SLC12A6: variants seen among roughly 807,000 people sequenced by gnomAD.
SLC12A6 encodes the protein solute carrier family 12 member 6.
Under a neutral mutation model 135.3 loss-of-function variants are expected in SLC12A6, and 66 were observed. The observed-to-expected ratio is 0.49, with a 90% CI of 0.40 to 0.60. The LOEUF (loss-of-function observed/expected upper bound fraction) is 0.60. SLC12A6 is among the 20% of genes least tolerant of loss of function. The pLI is 0.00. For missense variants in SLC12A6, 1,058 were observed against 1,452.3 expected (o/e 0.73, Z 4.41); for synonymous variants, 513 against 508.8 (o/e 1.01, Z -0.11).
At chr15:34,294,955 G>A (rs1331073034) in intron 2 of SLC12A6, among the ~76,000 whole-genome samples, 1 of 152,076 alleles carries the variant, frequency 6.6e-6, no homozygotes, top group Non-Finnish European at 1.5e-5. Flanking sequence ...GTAATATTTG[G>A]TTAAATTATG....
intron 2 of SLC12A6, among the ~76,000 whole-genome samples, chr15:34,283,835 A>G (rs926218867): frequency 6.6e-6 from 1 of 151,892 alleles, no homozygotes; most frequent in Non-Finnish European, 1.5e-5. Flanking sequence ...TACAGCCTCA[A>G]CCTCCCAGGC....
chr15:34,249,660 A>G (rs1892252890), intron 13 of SLC12A6, among the ~76,000 whole-genome samples: 1 of 152,232 alleles, frequency 6.6e-6, no homozygotes, highest in Non-Finnish European at 1.5e-5. Flanking sequence ...GCCAAACACA[A>G]TTAGATACTT....
chr15:34,288,908 T>C (rs973683857), intron 2 of SLC12A6, among the ~76,000 whole-genome samples: 3 of 152,210 alleles, frequency 2.0e-5, no homozygotes, highest in African/African-American at 7.2e-5. Context: ...GTTTTCTAAA[T>C]ACACAATCAT....
intron 13 of SLC12A6, among the ~76,000 whole-genome samples, chr15:34,247,709 T>C (rs1892094130): frequency 1.0e-5 from 1 of 98,738 alleles, no homozygotes; most frequent in Non-Finnish European, 2.3e-5. Flanking sequence ...CTATCCTGAC[T>C]TTTTTTTTTT....
At chr15:34,259,342 A>G (rs2140761369) in intron 4 of SLC12A6, among the ~76,000 whole-genome samples, 3 of 147,618 alleles carry the variant, frequency 2.0e-5, no homozygotes, top group Middle Eastern at 6.9e-3. Context: ...CTCCATCTCA[A>G]AAAAAAAAAA....
intron 2 of SLC12A6, among the ~76,000 whole-genome samples, chr15:34,300,887 A>T (rs1896207507): frequency 6.6e-6 from 1 of 152,062 alleles, no homozygotes; most frequent in Admixed American, 6.6e-5. Context: ...TTTTGAGACA[A>T]GAATTTTGTT....
chr15:34,299,411 A>T (rs1200612454), intron 2 of SLC12A6, among the ~76,000 whole-genome samples: 1 of 152,234 alleles, frequency 6.6e-6, no homozygotes, highest in African/African-American at 2.4e-5. Flanking sequence ...TAAATGTCAG[A>T]TTATGTGCTA....
At position 34,232,292 on chromosome 15, in the gene SLC12A6, A is replaced by G. The variant is rs1891001162; in HGVS notation, c.*1589T>C. 6.6e-6 allele frequency: 1 copy of G among 152,222 alleles called. No homozygotes were observed. The highest frequency in any genetic ancestry group is 1.5e-5 in the Non-Finnish European group (1 of 68,082). The allele number at this position is 152,222 out of a possible 1,614,324, so 9.4% of individuals were successfully genotyped here. A position where few individuals can be genotyped will look rare whatever the true frequency, so the allele number is the denominator to read the frequency against. On this transcript the variant is annotated 3_prime_UTR_variant, in exon 26 of 26. Coordinates refer to ENST00000354181, the MANE Select transcript of SLC12A6 (RefSeq NM_001365088.1). Reference sequence around the variant, plus strand: ...ACCCAGGCTGGAGTGCAGAGGTGCAATCCTGGCTCACTGCAACCTCCGCCT... The same window carrying G: ...ACCCAGGCTGGAGTGCAGAGGTGCAGTCCTGGCTCACTGCAACCTCCGCCT...
chr15:34,269,916 A>G (rs1893797657), intron 3 of SLC12A6, among the ~76,000 whole-genome samples: 1 of 152,124 alleles, frequency 6.6e-6, no homozygotes, highest in African/African-American at 2.4e-5. Flanking sequence ...TAGCTCCATT[A>G]ATTTATGAGA....
At chr15:34,283,502 T>G (rs1179900416) in intron 2 of SLC12A6, among the ~76,000 whole-genome samples, 1 of 151,992 alleles carries the variant, frequency 6.6e-6, no homozygotes, top group Non-Finnish European at 1.5e-5. Flanking sequence ...GAGACTTGCA[T>G]GAAAAGGAGC....
intron 4 of SLC12A6, among the ~76,000 whole-genome samples, chr15:34,260,538 G>A (rs1893049950): frequency 6.6e-6 from 1 of 152,216 alleles, no homozygotes; most frequent in East Asian, 1.9e-4. Context: ...GATTACAGGC[G>A]TGAGCCACCG....
chr15:34,265,069 C>T (rs993400646), intron 3 of SLC12A6, among the ~76,000 whole-genome samples: 2 of 151,976 alleles, frequency 1.3e-5, no homozygotes, highest in Admixed American at 6.6e-5. Flanking sequence ...TGGTGGCAGC[C>T]GCCTGTAGTC....
chr15:34,278,760 G>T (rs958337176), intron 2 of SLC12A6, among the ~76,000 whole-genome samples: 17 of 151,560 alleles, frequency 1.1e-4, no homozygotes, highest in African/African-American at 3.6e-4. Flanking sequence ...TAGTACAGTT[G>T]GGGTTTCACC....
rs1355216214 is a variant in SLC12A6, at chr15:34,246,209, A to G, written c.1650-342T>C. ...CAGCCTCCAAAAGTGCTGGGATTAC[A>G]GGCGTGAACCACTGCGTCCAGCCCA... is the stretch of plus-strand genomic sequence containing the variant. On this transcript the variant is annotated intron_variant, in intron 13 of 25. Transcript: ENST00000354181. Among the ~76,000 whole-genome samples, 4 of 152,240 alleles carry G rather than the reference A, an allele frequency of 2.6e-5. No homozygotes were observed. The South Asian group carries it at 8.3e-4, about 32-fold the overall frequency.
At chr15:34,300,793 CAAAAAAA>C (rs71763739) in intron 2 of SLC12A6, among the ~76,000 whole-genome samples, 1 of 98,810 alleles carries the variant, frequency 1.0e-5, no homozygotes, top group African/African-American at 2.9e-5. Context: ...GACTCCGTCT[CAAAAAAA>C]AAAAAAAAAA....
At position 34,229,863 on chromosome 15, in the gene SLC12A6, A is replaced by T. The variant is rs755208093; in HGVS notation, c.*4018T>A. The T allele has an allele frequency of 7.3e-7, 1 of 1,377,716 alleles. No homozygotes were observed. Among genetic ancestry groups the T allele is most frequent in the African/African-American group, 1.4e-5 (1 of 70,410 alleles). 85.3% of individuals were successfully genotyped at this position (1,377,716 alleles called of 1,614,324 possible). ...CCTTCTTTAAGCCCAGTGGCTCCTCAGCATACTCTTAAACTAATCACTTAT... is the reference window on the plus strand; with the variant it reads ...CCTTCTTTAAGCCCAGTGGCTCCTCTGCATACTCTTAAACTAATCACTTAT... On this transcript the variant is annotated 3_prime_UTR_variant, in exon 26 of 26. Coordinates refer to ENST00000354181, the MANE Select transcript of SLC12A6 (RefSeq NM_001365088.1).
intron 24 of SLC12A6, 117 bp from the exon 25 acceptor site, chr15:34,235,431 ATTT>A (rs371322623): frequency 5.4e-3 from 2,679 of 496,110 alleles, no homozygotes; most frequent in East Asian, 6.8e-3. Context: ...TGATAAAATG[ATTT>A]TTTTTTTTTT....
intron 6 of SLC12A6, among the ~76,000 whole-genome samples, chr15:34,257,355 A>C (rs1892823990): frequency 6.6e-6 from 1 of 152,202 alleles, no homozygotes. Context: ...ATCAAGCTCA[A>C]ATAGTTTGGA....
chr15:34,257,503 A>G (rs1212195707), intron 6 of SLC12A6, 139 bp downstream of exon 6: 1 of 710,988 alleles, frequency 1.4e-6, no homozygotes, highest in Non-Finnish European at 2.5e-6. Context: ...TTAGATTTTA[A>G]TATCAGAATA....
Sources: allele counts gnomAD v4.1 joint callset (sites outside exome capture counted in the v4.1 genomes callset), GRCh38; gene constraint gnomAD v4.1.1; transcripts MANE v1.5; gene names NCBI Gene and HGNC (gene_info 2026-07-23, HGNC 2026-07-21).